Variants in ZSWIM6 observed in about 807,000 individuals in gnomAD.
The protein encoded by ZSWIM6 is zinc finger SWIM domain-containing protein 6.
A neutral mutation model predicts 113.2 loss-of-function variants in ZSWIM6; 9 were observed. The ratio of observed to expected loss-of-function variants is 0.08; its 90% confidence interval spans 0.05 to 0.14. The LOEUF (loss-of-function observed/expected upper bound fraction) is 0.14, where lower values mean the gene tolerates loss of function less well. ZSWIM6 is among the 10% of genes least tolerant of loss of function. The probability of loss-of-function intolerance (pLI) is 1.00; values close to 1 mark genes in which losing one functional copy is unlikely to be tolerated. For missense variants in ZSWIM6, 1,162 were observed against 1,552.2 expected (o/e 0.75, Z 4.22); for synonymous variants, 611 against 606.5 (o/e 1.01, Z -0.11).
At chr5:61,483,360 C>T (rs890470797) in intron 2 of ZSWIM6, among the ~76,000 whole-genome samples, 6 of 152,096 alleles carry the variant, frequency 3.9e-5, no homozygotes, top group African/African-American at 1.4e-4. Context: ...CTTAAAAGGC[C>T]CCACCTTTCA....
At chr5:61,418,391 C>T (rs138201870) in intron 1 of ZSWIM6, among the ~76,000 whole-genome samples, 3 of 152,066 alleles carry the variant, frequency 2.0e-5, no homozygotes, top group South Asian at 2.1e-4. Context: ...CCTCAGCGTC[C>T]GAAGTAGTTG....
At chr5:61,388,819 T>C (rs1380566353) in intron 1 of ZSWIM6, among the ~76,000 whole-genome samples, 1 of 152,188 alleles carries the variant, frequency 6.6e-6, no homozygotes, top group African/African-American at 2.4e-5. Context: ...AAAATGGAGA[T>C]CCATTCTGTT....
At position 61,525,967 on chromosome 5, in the gene ZSWIM6, C is replaced by T; in HGVS notation, c.1681C>T (p.Leu561Phe). 1 of 1,552,092 alleles carries T rather than the reference C, an allele frequency of 6.4e-7. No homozygotes were observed. The highest frequency in any genetic ancestry group is 1.7e-4 in the Middle Eastern group (1 of 5,998). ...NSLFDSRGWP[L>F]WHEHVPTACA... ...CCTCTTCGACTCCCGCGGGTGGCCCCTCTGGCATGGTAAGTGACCAAACCG... is the reference window on the plus strand; with the variant it reads ...CCTCTTCGACTCCCGCGGGTGGCCCTTCTGGCATGGTAAGTGACCAAACCG... Residue 561 changes from leucine (L) to phenylalanine (F), a missense_variant, in exon 6 of 14, where the codon CTC becomes TTC. Transcript: ENST00000252744.
chr5:61,438,852 G>T (rs1478077863), intron 1 of ZSWIM6, among the ~76,000 whole-genome samples: 1 of 152,156 alleles, frequency 6.6e-6, no homozygotes, highest in Non-Finnish European at 1.5e-5. Flanking sequence ...ACAGCAGGTT[G>T]TGCTGAGATG....
intron 1 of ZSWIM6, among the ~76,000 whole-genome samples, chr5:61,449,241 G>GT (rs1487129970): frequency 6.6e-6 from 1 of 152,048 alleles, no homozygotes; most frequent in African/African-American, 2.4e-5. Flanking sequence ...ATTTATTTTT[G>GT]TTTGAGTTCT....
intron 4 of ZSWIM6, among the ~76,000 whole-genome samples, chr5:61,510,662 G>A (rs13159018): frequency 0.38 from 58,217 of 151,920 alleles, 11,296 homozygotes; most frequent in South Asian, 0.45. Context: ...GCTAGAGCTG[G>A]TATGTGCCAG....
intron 7 of ZSWIM6, among the ~76,000 whole-genome samples, chr5:61,529,680 G>A (rs1749377903): frequency 6.6e-6 from 1 of 152,152 alleles, no homozygotes; most frequent in African/African-American, 2.4e-5. Context: ...GGGAAGTGGG[G>A]GAGTTGTTCC....
intron 4 of ZSWIM6, among the ~76,000 whole-genome samples, chr5:61,500,100 TTTATTATTA>T (rs61415779): frequency 1.4e-5 from 2 of 145,324 alleles, no homozygotes; most frequent in Admixed American, 6.9e-5. Flanking sequence ...TGTCCTCAGC[TTTATTATTA>T]TTATTATTAT....
intron 1 of ZSWIM6, among the ~76,000 whole-genome samples, chr5:61,368,364 T>G (rs941192438): frequency 5.3e-5 from 8 of 152,214 alleles, no homozygotes; most frequent in Admixed American, 5.2e-4. Flanking sequence ...TTTAAAAGTA[T>G]TCATATTAAT....
At chr5:61,518,489 T>C (rs1366794388) in intron 4 of ZSWIM6, among the ~76,000 whole-genome samples, 13 of 152,122 alleles carry the variant, frequency 8.5e-5, no homozygotes, top group Non-Finnish European at 1.8e-4. Flanking sequence ...TTCTAACTGG[T>C]GTGAAATGGT....
chr5:61,389,512 A>C (rs1447890345), intron 1 of ZSWIM6, among the ~76,000 whole-genome samples: 1 of 139,252 alleles, frequency 7.2e-6, no homozygotes, highest in Non-Finnish European at 1.5e-5. Context: ...CCGAGATTGC[A>C]CCACTGCACA....
At chr5:61,443,736 G>A (rs1579999199) in intron 1 of ZSWIM6, among the ~76,000 whole-genome samples, 1 of 152,044 alleles carries the variant, frequency 6.6e-6, no homozygotes, top group Non-Finnish European at 1.5e-5. Flanking sequence ...ACAGCATGAG[G>A]CCAACCACAT....
At chr5:61,455,647 G>A (rs1747190865) in intron 1 of ZSWIM6, among the ~76,000 whole-genome samples, 1 of 152,182 alleles carries the variant, frequency 6.6e-6, no homozygotes, top group African/African-American at 2.4e-5. Context: ...GGCTAGCGGG[G>A]CAGTGCAGAT....
chr5:61,373,789 C>T (rs566123197), intron 1 of ZSWIM6, among the ~76,000 whole-genome samples: 4 of 152,078 alleles, frequency 2.6e-5, no homozygotes, highest in South Asian at 2.1e-4. Flanking sequence ...TATCTTACTC[C>T]CCCCCACTCG....
At chr5:61,496,899 C>T (rs541498731) in intron 4 of ZSWIM6, among the ~76,000 whole-genome samples, 87 of 152,160 alleles carry the variant, frequency 5.7e-4, no homozygotes, top group African/African-American at 2.0e-3. Flanking sequence ...GCAAAACAAC[C>T]TTTTATTGCT....
chr5:61,469,364 G>A (rs1431948253), intron 1 of ZSWIM6, among the ~76,000 whole-genome samples: 1 of 152,150 alleles, frequency 6.6e-6, no homozygotes, highest in African/African-American at 2.4e-5. Context: ...CTTGGAAAAT[G>A]AACATTCATA....
At chr5:61,391,522 T>C (rs1240623832) in intron 1 of ZSWIM6, 8 of 1,114,198 alleles carry the variant, frequency 7.2e-6, no homozygotes, top group Middle Eastern at 2.8e-4. Context: ...TTTATAGAAA[T>C]GTCTCTTGCA....
At chr5:61,392,177 G>C (rs1745731702) in intron 1 of ZSWIM6, among the ~76,000 whole-genome samples, 1 of 152,146 alleles carries the variant, frequency 6.6e-6, no homozygotes, top group Non-Finnish European at 1.5e-5. Context: ...TAGTAGTGTT[G>C]ATGAATTTGC....
At chr5:61,516,245 CCTCT>C (rs920351942) in intron 4 of ZSWIM6, among the ~76,000 whole-genome samples, 1 of 147,446 alleles carries the variant, frequency 6.8e-6, no homozygotes, top group African/African-American at 2.5e-5. Flanking sequence ...TCATCTCTTC[CCTCT>C]CTCTTTCTTT....
Sources: allele counts gnomAD v4.1 joint callset (sites outside exome capture counted in the v4.1 genomes callset), GRCh38; gene constraint gnomAD v4.1.1; transcripts MANE v1.5; gene names NCBI Gene and HGNC (gene_info 2026-07-23, HGNC 2026-07-21).